AWAT1: variants seen among roughly 807,000 people sequenced by gnomAD.
The protein encoded by AWAT1 is diacyl-glycerol acyltransferase 2.
AWAT1 carries 26 observed loss-of-function variants against 21.6 expected under a neutral mutation model. The ratio of observed to expected loss-of-function variants is 1.20; its 90% CI spans 0.88 to 1.67. The LOEUF is 1.67. Ranked by LOEUF, AWAT1 falls within the 40% of genes most tolerant of loss-of-function variation. AWAT1 has a pLI of 0.00. For synonymous variants in AWAT1, 102 were observed against 99.3 expected, an observed-to-expected ratio of 1.03 and a Z score of -0.16; for missense variants, 264 against 249.4, an observed-to-expected ratio of 1.06 and a Z score of -0.39.
rs2085518754 is a variant in AWAT1 at position 70,237,376 on chromosome X, T to C, written c.460+128T>C. 8.1e-6 allele frequency: 5 copies of C among 615,551 alleles called. No homozygotes were observed. The South Asian group carries it at 1.4e-4, about 17-fold the overall frequency. The allele number at this position is 615,551 out of a possible 1,213,427, so 50.7% of individuals were successfully genotyped here. ...TTATGGCATAGTAGTCAAAAGCATA[T>C]GTTCTAGAGCTAAGCTGCCTGGCAT... On this transcript the variant is annotated intron_variant, in intron 4 of 6. Coordinates refer to ENST00000374521, the MANE Select transcript of AWAT1 (RefSeq NM_001013579.3).
intron 5 of AWAT1, 119 bp downstream of exon 5, chrX:70,238,502 A>G (rs2085524798): frequency 2.5e-6 from 2 of 788,426 alleles, no homozygotes; most frequent in Non-Finnish European, 1.7e-6. Context: ...ACCAAGTAAG[A>G]AAAATGGGTC....
chrX:70,236,062 G>A lies in AWAT1; in HGVS notation c.185-7G>A. ...GACATCATCCCCTACTTCTTCTTTT[G>A]CCTCAGGTGGCAGGCGTTCGGCCTG... is the stretch of plus-strand genomic sequence containing the variant. On this transcript the variant is annotated splice_polypyrimidine_tract_variant and splice_region_variant and intron_variant, in intron 2 of 6. Coordinates refer to ENST00000374521, the MANE Select transcript of AWAT1 (RefSeq NM_001013579.3). 2 of 1,205,696 alleles carry A rather than the reference G, an allele frequency of 1.7e-6. No homozygotes were observed. The highest frequency in any genetic ancestry group is 3.5e-5 in the African/African-American group (2 of 57,538).
chrX:70,240,009 A>T, intron 6 of AWAT1, 75 bp downstream of exon 6: 1 of 1,133,004 alleles, frequency 8.8e-7, no homozygotes, highest in Non-Finnish European at 1.2e-6. Flanking sequence ...ACCAAAGAAG[A>T]GGGCAGCAGA....
intron 1 of AWAT1, among the ~76,000 whole-genome samples, chrX:70,235,508 TGACA>T (rs770408719): frequency 4.3e-4 from 47 of 110,489 alleles, no homozygotes; most frequent in African/African-American, 1.5e-3. Flanking sequence ...TGGACAGGGA[TGACA>T]GACAGGCAGA....
intron 4 of AWAT1, 57 bp downstream of exon 4, chrX:70,237,305 C>T (rs1319866638): frequency 9.4e-7 from 1 of 1,059,129 alleles, no homozygotes; most frequent in African/African-American, 1.9e-5. Context: ...TGGAAATGCA[C>T]CCTTTTAAAT....
chrX:70,235,467 TAC>T (rs2085510284), intron 1 of AWAT1, among the ~76,000 whole-genome samples: 1 of 109,198 alleles, frequency 9.2e-6, no homozygotes, highest in African/African-American at 3.4e-5. Flanking sequence ...AGAGCAGGAG[TAC>T]AGAGGTAGTG....
At chrX:70,235,888 G>A (rs1344989743) in intron 2 of AWAT1, 65 bp downstream of exon 2, 8 of 1,037,605 alleles carry the variant, frequency 7.7e-6, no homozygotes, top group East Asian at 3.0e-5. Context: ...AGTCCCACTC[G>A]CCATACCACA....
intron 4 of AWAT1, among the ~76,000 whole-genome samples, chrX:70,237,767 G>T (rs754553299): frequency 3.6e-4 from 36 of 100,482 alleles, no homozygotes; most frequent in Non-Finnish European, 6.0e-4. Flanking sequence ...AGGAGGTGCA[G>T]GTTGCAGTGA....
Position 70,237,190 on chromosome X carries a change from G to A in AWAT1, c.402G>A (p.Leu134=). 1 of 1,208,720 alleles carries A rather than the reference G, an allele frequency of 8.3e-7. No individual in the cohort carries two copies. Among genetic ancestry groups the A allele is most frequent in the Non-Finnish European group, 1.1e-6 (1 of 894,273 alleles). Residue 134 remains leucine, a synonymous_variant, in exon 4 of 7, where the codon TTG becomes TTA. Transcript: ENST00000374521. ...CCTTCCCAGGCATCACTCCTCACTT[G>A]GCCACGCTGTCCTGGTTCTTCAAGA... is the stretch of plus-strand genomic sequence containing the variant. The part of the protein sequence containing the change: ...SKTFPGITPH[L]ATLSWFFKIP...
Position 70,239,766 on chromosome X carries a change from G to A in AWAT1, c.664G>A (p.Glu222Lys). 1 of 1,211,336 alleles carries A rather than the reference G, an allele frequency of 8.3e-7. No individual in the cohort carries two copies. The highest frequency in any genetic ancestry group is 1.8e-5 in the South Asian group (1 of 56,960). Residue 222 changes from glutamate to lysine, a missense_variant, in exon 6 of 7, where the codon GAA (glutamate) becomes AAA (lysine). Coordinates refer to ENST00000374521, the MANE Select transcript of AWAT1 (RefSeq NM_001013579.3). ...AHLVPTFTFGETEVYDQVLFH... is the reference protein window; with the variant it reads ...AHLVPTFTFGKTEVYDQVLFH... The stretch of plus-strand genomic sequence containing the variant: ...TCTGGTCCCCACCTTCACTTTTGGG[G>A]AAACTGAGGTGTATGATCAGGTGCT...
chrX:70,238,186 T>G (rs757700038), intron 4 of AWAT1, 26 bp from the exon 5 acceptor site: 2 of 1,184,044 alleles, frequency 1.7e-6, no homozygotes, highest in African/African-American at 3.5e-5. Flanking sequence ...CCTCTCCTGA[T>G]CATTTTGCTC....
intron 4 of AWAT1, 105 bp from the exon 5 acceptor site, chrX:70,238,107 C>G: frequency 2.4e-6 from 2 of 818,797 alleles, no homozygotes; most frequent in Non-Finnish European, 3.5e-6. Context: ...CATTGCTCCT[C>G]TCCTCCTTGG....
chrX:70,238,496 A>C, intron 5 of AWAT1, 113 bp downstream of exon 5: 2 of 845,902 alleles, frequency 2.4e-6, no homozygotes, highest in Non-Finnish European at 3.1e-6. Context: ...CATACTACCA[A>C]GTAAGAAAAA....
chrX:70,236,772 G>A (rs1228236581), intron 3 of AWAT1, among the ~76,000 whole-genome samples: 1 of 111,620 alleles, frequency 9.0e-6, no homozygotes, highest in African/African-American at 3.3e-5. Flanking sequence ...AGTGCTCATA[G>A]ACAATGATAA....
At chrX:70,235,604 G>T in intron 1 of AWAT1, 112 bp from the exon 2 acceptor site, 5 of 563,167 alleles carry the variant, frequency 8.9e-6, no homozygotes, top group Non-Finnish European at 1.6e-5. Context: ...GACCTGGATT[G>T]TGTTGAGGGC....
At chrX:70,239,268 T>C (rs776804179) in intron 5 of AWAT1, among the ~76,000 whole-genome samples, 5 of 112,591 alleles carry the variant, frequency 4.4e-5, no homozygotes, top group Non-Finnish European at 7.5e-5. Flanking sequence ...TGCTGAGAGA[T>C]TGTTATTAGC....
At position 70,238,321 on chromosome X, in the gene AWAT1, C is replaced by G; in HGVS notation, c.570C>G (p.Pro190=). ...GGVGEALQSV[P]NTTTLILQKR... is the part of the protein sequence containing the mutation. ...TGGGTGAGGCCCTGCAAAGTGTGCC[C>G]AACACCACCACCCTCATCCTCCAGA... is the stretch of plus-strand genomic sequence containing the variant. The change falls in exon 5 of 7, where the codon CCC becomes CCG. Residue 190 remains proline (P), a synonymous_variant. Coordinates refer to ENST00000374521, the MANE Select transcript of AWAT1 (RefSeq NM_001013579.3). 2 of 1,209,770 alleles carry G rather than the reference C, an allele frequency of 1.7e-6. No individual in the cohort carries two copies. The highest frequency in any genetic ancestry group is 2.2e-6 in the Non-Finnish European group (2 of 894,027).
intron 5 of AWAT1, 29 bp downstream of exon 5, chrX:70,238,412 A>G (rs773538384): frequency 1.7e-6 from 2 of 1,149,764 alleles, no homozygotes; most frequent in Non-Finnish European, 1.2e-6. Flanking sequence ...GGGGCAGTGC[A>G]TGGTGTTCTC....
chrX:70,235,761 T>C lies in AWAT1; in HGVS notation c.122T>C (p.Leu41Ser), dbSNP rs777632855. The C allele has an allele frequency of 6.6e-6, 8 of 1,211,160 alleles. No homozygotes were observed. In the South Asian group the frequency reaches 1.2e-4, roughly 19 times the overall value. Residue 41 changes from leucine (L) to serine (S), a missense_variant, in exon 2 of 7, where the codon TTG becomes TCG. Physicochemically the swap from Leu to Ser is moderately radical, Grantham distance 145. Coordinates refer to ENST00000374521, the MANE Select transcript of AWAT1 (RefSeq NM_001013579.3). ...TTCGTCTACCTGCTGTTTACATCCT[T>C]GTGGCCGCTACCAGTGCTTTACTTT... ...PLFVYLLFTS[L>S]WPLPVLYFAW...
Sources: gnomAD v4.1 joint callset for allele counts (sites outside exome capture counted in the v4.1 genomes callset) on GRCh38, gnomAD v4.1.1 for gene constraint, MANE v1.5 for transcripts, NCBI Gene and HGNC (gene_info 2026-07-23, HGNC 2026-07-21) for gene names.